The following BMX variants were observed in gnomAD, a reference collection of about 807,000 sequenced individuals.
BMX encodes cytoplasmic tyrosine-protein kinase BMX.
BMX carries 31 observed loss-of-function variants against 59.2 expected under a neutral mutation model. The observed-to-expected ratio is 0.52, with a 90% CI of 0.39 to 0.71. The LOEUF (loss-of-function observed/expected upper bound fraction) is 0.71. BMX is among the 30% of genes least tolerant of loss of function. The pLI, the probability that BMX is intolerant of heterozygous loss-of-function variation, is 0.00. For synonymous variants in BMX, 185 were observed against 181.0 expected (o/e 1.02, Z -0.18); for missense variants, 474 against 491.7 (o/e 0.96, Z 0.34).
chrX:15,516,692 A>G (rs1260371535), intron 5 of BMX, among the ~76,000 whole-genome samples: 1 of 110,725 alleles, frequency 9.0e-6, no homozygotes, highest in East Asian at 2.8e-4. Context: ...AAAAAGATAT[A>G]ACTTAAGTAA....
At chrX:15,518,652 C>G (rs2147111029) in intron 6 of BMX, among the ~76,000 whole-genome samples, 1 of 111,432 alleles carries the variant, frequency 9.0e-6, no homozygotes, top group African/African-American at 3.3e-5. Flanking sequence ...CTTGGGCCTG[C>G]ATCACCTGGC....
At chrX:15,544,824 T>C (rs1183644072) in intron 16 of BMX, among the ~76,000 whole-genome samples, 1 of 111,445 alleles carries the variant, frequency 9.0e-6, no homozygotes, top group African/African-American at 3.3e-5. Context: ...TGGAATGTAC[T>C]GTATGTAATC....
intron 1 of BMX, among the ~76,000 whole-genome samples, chrX:15,504,036 C>T (rs1173201820): frequency 2.7e-5 from 3 of 111,700 alleles, no homozygotes; most frequent in African/African-American, 9.8e-5. Context: ...ATAGTGAGCC[C>T]TCCTTAAGCA....
At chrX:15,531,248 C>T in intron 10 of BMX, 80 bp from the exon 11 acceptor site, 2 of 850,476 alleles carry the variant, frequency 2.4e-6, no homozygotes, top group Non-Finnish European at 3.4e-6. Flanking sequence ...GATTTGTTTT[C>T]CAACTACCTA....
rs191103394 is a variant in BMX, at chrX:15,516,477, A to T, written c.445+246A>T. Among the ~76,000 whole-genome samples, 26 of 112,088 alleles carry T rather than the reference A, an allele frequency of 2.3e-4. No individual in the cohort carries two copies. In the East Asian group the frequency reaches 7.0e-3, roughly 30 times the overall value. On this transcript the variant is annotated intron_variant, in intron 5 of 18. Transcript: ENST00000348343. ...TCTTTCATTTCATGAGAAACATTTT[A>T]AAAATTTGAATCATTAATCAAGCAA...
Position 15,526,075 on chromosome X carries a change from G to A in BMX, c.864G>A (p.Glu288=), listed in dbSNP as rs1247559964. 8.3e-7 allele frequency: 1 copy of A among 1,206,281 alleles called. No homozygotes were observed. Among genetic ancestry groups the A allele is most frequent in the Admixed American group, 2.2e-5 (1 of 45,534 alleles). ...CTGAGTCAAGTTCATCTGAAGAAGA[G>A]GAAAACCTGGATGATTATGAGTGAG... ...EFPESSSSEE[E]ENLDDYDWFA... Residue 288 remains glutamate (E), a synonymous_variant, in exon 9 of 19, where the codon GAG becomes GAA. Coordinates refer to ENST00000348343, the MANE Select transcript of BMX (RefSeq NM_203281.3).
At position 15,520,573 on chromosome X, in the gene BMX, T is replaced by C. The variant is rs138726354; in HGVS notation, c.511-1773T>C. ...GAAGATAATTAAGAGCCAGAAACCATTGCATCTAGTCTCCAGCAGGGAACT... is the reference window on the plus strand; with the variant it reads ...GAAGATAATTAAGAGCCAGAAACCACTGCATCTAGTCTCCAGCAGGGAACT... On this transcript the variant is annotated intron_variant, in intron 6 of 18. Coordinates refer to ENST00000348343, the MANE Select transcript of BMX (RefSeq NM_203281.3). Among the ~76,000 whole-genome samples the C allele has an allele frequency of 2.7e-5, 3 of 112,124 alleles. No homozygotes were observed. The East Asian group carries it at 8.4e-4, about 31-fold the overall frequency.
chrX:15,537,353 C>T lies in BMX; in HGVS notation c.1394+48C>T, dbSNP rs753705780. The T allele has an allele frequency of 2.5e-6, 3 of 1,182,231 alleles. No individual in the cohort carries two copies. In the South Asian group the frequency reaches 5.5e-5, roughly 22 times the overall value. ...CTGTTTAGCCCTCATCATGGGAGGG[C>T]ATTAGCACTAATAGGCCTGCTGTTA... On this transcript the variant is annotated intron_variant, in intron 14 of 18. Coordinates refer to ENST00000348343, the MANE Select transcript of BMX (RefSeq NM_203281.3).
chrX:15,511,762 C>T (rs1475095963), intron 4 of BMX, among the ~76,000 whole-genome samples: 1 of 111,547 alleles, frequency 9.0e-6, no homozygotes, highest in Non-Finnish European at 1.9e-5. Flanking sequence ...CAGTATTGTG[C>T]CTTCCCAGCA....
At chrX:15,547,066 G>A in intron 17 of BMX, 145 bp downstream of exon 17, 3 of 446,090 alleles carry the variant, frequency 6.7e-6, no homozygotes, top group Non-Finnish European at 1.1e-5. Context: ...GCAAGCTGTT[G>A]AAGAAGGTGA....
intron 18 of BMX, 108 bp downstream of exon 18, chrX:15,550,105 G>T: frequency 1.0e-6 from 1 of 961,108 alleles, no homozygotes. Context: ...CTGGTACAGA[G>T]CAGGAGAGAA....
intron 13 of BMX, 101 bp from the exon 14 acceptor site, chrX:15,537,033 T>C (rs1450073676): frequency 4.6e-6 from 4 of 867,853 alleles, no homozygotes; most frequent in Non-Finnish European, 4.9e-6. Context: ...TTGTTTATAT[T>C]GTCACTGTGA....
At position 15,537,298 on chromosome X, in the gene BMX, A is replaced by T. The variant is rs1396233126; in HGVS notation, c.1387A>T (p.Thr463Ser). Reference sequence around the variant, plus strand: ...AGATGAATTCTTTCAGGAGGCCCAGACTATGATGTAAGTTTTTCCCAAGGA... The same window carrying T: ...AGATGAATTCTTTCAGGAGGCCCAGTCTATGATGTAAGTTTTTCCCAAGGA... ...SEDEFFQEAQTMMKLSHPKLV... is the reference protein window; with the variant it reads ...SEDEFFQEAQSMMKLSHPKLV... Residue 463 changes from threonine (T) to serine (S), a missense_variant, in exon 14 of 19, where the codon ACT becomes TCT. By Grantham distance (58) the Thr-to-Ser change is moderately conservative. Coordinates refer to ENST00000348343, the MANE Select transcript of BMX (RefSeq NM_203281.3). The T allele has an allele frequency of 3.3e-6, 4 of 1,210,401 alleles. No homozygotes were observed. Among genetic ancestry groups the T allele is most frequent in the Non-Finnish European group, 4.5e-6 (4 of 894,987 alleles).
At chrX:15,524,660 C>T (rs1334104387) in intron 7 of BMX, among the ~76,000 whole-genome samples, 3 of 111,862 alleles carry the variant, frequency 2.7e-5, no homozygotes. Context: ...CATTTCCTTG[C>T]TAAGGAAACT....
intron 14 of BMX, among the ~76,000 whole-genome samples, chrX:15,537,937 A>C (rs1925449852): frequency 9.1e-6 from 1 of 110,496 alleles, no homozygotes; most frequent in African/African-American, 3.3e-5. Flanking sequence ...GGGGAGGTGC[A>C]TGGTGGGATG....
chrX:15,503,297 T>C (rs183461453), intron 1 of BMX, among the ~76,000 whole-genome samples: 110 of 112,562 alleles, frequency 9.8e-4, no homozygotes, highest in Non-Finnish European at 2.8e-4. Context: ...TATTTAACAC[T>C]GCCTTTCAGC....
intron 13 of BMX, among the ~76,000 whole-genome samples, chrX:15,536,786 A>AT (rs954261328): frequency 6.0e-4 from 66 of 110,903 alleles, no homozygotes; most frequent in Middle Eastern, 4.6e-3. Context: ...TCACAGTTTA[A>AT]TTTTTTTATT....
chrX:15,509,520 G>A, intron 3 of BMX, 87 bp downstream of exon 3: 1 of 609,982 alleles, frequency 1.6e-6, no homozygotes, highest in Admixed American at 4.3e-5. Context: ...GAAAAATAAT[G>A]ATATTTCAAA....
intron 1 of BMX, among the ~76,000 whole-genome samples, chrX:15,503,685 G>C (rs1310437579): frequency 8.9e-6 from 1 of 112,075 alleles, no homozygotes; most frequent in Non-Finnish European, 1.9e-5. Flanking sequence ...GCAGTCTCTG[G>C]TTTAGGAGGG....
Sources: allele counts gnomAD v4.1 joint callset (sites outside exome capture counted in the v4.1 genomes callset), GRCh38; gene constraint gnomAD v4.1.1; transcripts MANE v1.5; gene names NCBI Gene and HGNC (gene_info 2026-07-23, HGNC 2026-07-21).